ATP2A2: variants seen among roughly 807,000 people sequenced by gnomAD.
ATP2A2 encodes the protein sarcoplasmic/endoplasmic reticulum calcium ATPase 2.
A neutral mutation model predicts 109.3 loss-of-function variants in ATP2A2; 14 were observed. The observed-to-expected ratio is 0.13, with a 90% CI of 0.08 to 0.20. The LOEUF (loss-of-function observed/expected upper bound fraction) is 0.20, where lower values mean the gene tolerates loss of function less well. ATP2A2 is among the 10% of genes least tolerant of loss of function. The pLI is 1.00. For missense variants in ATP2A2, 657 were observed against 1,321.6 expected, an observed-to-expected ratio of 0.50 and a Z score of 7.80; for synonymous variants, 506 against 490.9, an observed-to-expected ratio of 1.03 and a Z score of -0.41.
intron 4 of ATP2A2, among the ~76,000 whole-genome samples, chr12:110,295,019 A>G (rs1873813509): frequency 6.6e-6 from 1 of 151,950 alleles, no homozygotes; most frequent in South Asian, 2.1e-4. Context: ...CAGTTTCACC[A>G]TGTTGGCCAG....
At chr12:110,298,795 C>T (rs1227177171) in intron 5 of ATP2A2, among the ~76,000 whole-genome samples, 1 of 152,186 alleles carries the variant, frequency 6.6e-6, no homozygotes, top group East Asian at 1.9e-4. Flanking sequence ...TGTATACACA[C>T]ATTTTTGTAT....
intron 3 of ATP2A2, among the ~76,000 whole-genome samples, chr12:110,289,576 T>A (rs1873044915): frequency 6.6e-6 from 1 of 152,188 alleles, no homozygotes; most frequent in Non-Finnish European, 1.5e-5. Flanking sequence ...TTTCTTTTTG[T>A]CCTGCTCAAA....
chr12:110,342,083 T>G lies in ATP2A2; in HGVS notation c.2098-145T>G. On this transcript the variant is annotated intron_variant, in intron 14 of 19. Transcript: ENST00000539276. The surrounding 1 kb of genome is among the most constrained non-coding windows in gnomAD (Gnocchi z 4.6). ...GTAAAATGTGTTTTGTGACACCAACTTATGAAACAAAAATTCTAAAACTCT... is the reference window on the plus strand; with the variant it reads ...GTAAAATGTGTTTTGTGACACCAACGTATGAAACAAAAATTCTAAAACTCT... 1 of 934,060 alleles carries G rather than the reference T, an allele frequency of 1.1e-6. No homozygotes were observed. 57.9% of individuals were successfully genotyped at this position (934,060 alleles called of 1,614,324 possible).
chr12:110,345,717 A>G lies in ATP2A2; in HGVS notation c.2742-284A>G, dbSNP rs1056978803. 8.7e-6 allele frequency: 5 copies of G among 575,110 alleles called. No individual in the cohort carries two copies. The Admixed American group carries it at 9.0e-5, about 10-fold the overall frequency. 35.6% of individuals were successfully genotyped at this position (575,110 alleles called of 1,614,324 possible). ...GTACCATCCAGTTAAGCCCGTGACA[A>G]AAATGGAAATTTCTAAATAGCCCAA... On this transcript the variant is annotated intron_variant, in intron 18 of 19. Coordinates refer to ENST00000539276, the MANE Select transcript of ATP2A2 (RefSeq NM_170665.4).
chr12:110,336,482 G>A (rs1201285690), intron 11 of ATP2A2, among the ~76,000 whole-genome samples: 1 of 152,210 alleles, frequency 6.6e-6, no homozygotes, highest in Non-Finnish European at 1.5e-5. Context: ...CCTGAGTTGG[G>A]AGGGAGCAGT....
intron 5 of ATP2A2, among the ~76,000 whole-genome samples, chr12:110,308,905 A>G (rs1381815249): frequency 6.6e-6 from 1 of 152,180 alleles, no homozygotes; most frequent in Non-Finnish European, 1.5e-5. Flanking sequence ...AGTGTTGTAA[A>G]CTAATTCGAA....
chr12:110,309,998 C>T (rs896803772), intron 5 of ATP2A2, among the ~76,000 whole-genome samples: 1 of 151,876 alleles, frequency 6.6e-6, no homozygotes, highest in Non-Finnish European at 1.5e-5. Context: ...GAAAATATTT[C>T]TCCGGATGGA....
At chr12:110,314,225 G>A (rs1362083045) in intron 5 of ATP2A2, among the ~76,000 whole-genome samples, 2 of 151,974 alleles carry the variant, frequency 1.3e-5, no homozygotes, top group African/African-American at 2.4e-5. Flanking sequence ...CTACTTGGGA[G>A]GCTGAGGCAA....
In ATP2A2 at chr12:110,325,449, A is replaced by G. The variant is rs139605860; in HGVS notation, c.545-941A>G. On this transcript the variant is annotated intron_variant, in intron 6 of 19. Coordinates refer to ENST00000539276, the MANE Select transcript of ATP2A2 (RefSeq NM_170665.4). Reference sequence around the variant, plus strand: ...AGGAGTTTGAGACCAGCCTTGGCCAACATAGCAAAACCTGTCTCTACTAAA... The same window carrying G: ...AGGAGTTTGAGACCAGCCTTGGCCAGCATAGCAAAACCTGTCTCTACTAAA... 5.9e-3 allele frequency among the ~76,000 whole-genome samples: 888 copies of G among 151,726 alleles called. 9 individuals carry two copies. Among genetic ancestry groups the G allele is most frequent in the African/African-American group, 0.02 (839 of 41,374 alleles).
chr12:110,346,974 A>ATT lies in ATP2A2; in HGVS notation c.*505_*506dup. ...GCAGAGTCTTGCTACCTCAGTCAGT[A>ATT]TTGTTTTGGTTTGCTACTTCCCTCA... On this transcript the variant is annotated 3_prime_UTR_variant, in exon 20 of 20. Transcript: ENST00000539276. The ATT allele has an allele frequency of 9.1e-7, 1 of 1,100,332 alleles. No homozygotes were observed. Among genetic ancestry groups the ATT allele is most frequent in the Non-Finnish European group, 1.1e-6 (1 of 899,636 alleles). 68.2% of individuals were successfully genotyped at this position (1,100,332 alleles called of 1,614,324 possible).
intron 5 of ATP2A2, among the ~76,000 whole-genome samples, chr12:110,301,026 C>G (rs1272841730): frequency 6.6e-6 from 1 of 152,014 alleles, no homozygotes; most frequent in African/African-American, 2.4e-5. Context: ...CCAGCTTCTT[C>G]TTGTTTAATT....
At chr12:110,286,979 T>TGA (rs1395680253) in intron 3 of ATP2A2, among the ~76,000 whole-genome samples, 15 of 152,190 alleles carry the variant, frequency 9.9e-5, no homozygotes, top group Non-Finnish European at 2.1e-4. Flanking sequence ...CCGGGTGCAG[T>TGA]GAGTGGCTCA....
intron 3 of ATP2A2, among the ~76,000 whole-genome samples, chr12:110,291,165 C>T (rs1873240896): frequency 6.6e-6 from 1 of 151,688 alleles, no homozygotes; most frequent in Non-Finnish European, 1.5e-5. Flanking sequence ...GCCTTGGCCT[C>T]CCAAAGTGCT....
intron 3 of ATP2A2, among the ~76,000 whole-genome samples, chr12:110,288,173 C>T (rs1449771167): frequency 1.4e-5 from 2 of 142,256 alleles, no homozygotes; most frequent in African/African-American, 2.7e-5. Flanking sequence ...AGTAGTGGCA[C>T]GATCATAGCT....
At chr12:110,296,408 C>A (rs1427433822) in intron 4 of ATP2A2, 191 bp from the exon 5 acceptor site, 4 of 705,502 alleles carry the variant, frequency 5.7e-6, no homozygotes, top group Non-Finnish European at 9.6e-6. Context: ...GGGTACTTAA[C>A]GTTTCGTTTT....
intron 5 of ATP2A2, among the ~76,000 whole-genome samples, chr12:110,315,344 AC>A (rs1876554084): frequency 6.6e-6 from 1 of 151,950 alleles, no homozygotes; most frequent in East Asian, 1.9e-4. Flanking sequence ...TTACCTTTCT[AC>A]CCCCATAACT....
At chr12:110,307,801 G>C (rs1203501246) in intron 5 of ATP2A2, among the ~76,000 whole-genome samples, 3 of 152,170 alleles carry the variant, frequency 2.0e-5, no homozygotes, top group African/African-American at 7.2e-5. Flanking sequence ...TAGGTTGTCA[G>C]TTTACTCTGT....
At position 110,339,144 on chromosome 12, in the gene ATP2A2, A is replaced by G; in HGVS notation, c.1420-137A>G. 1 of 1,224,556 alleles carries G rather than the reference A, an allele frequency of 8.2e-7. No homozygotes were observed. The allele number at this position is 1,224,556 out of a possible 1,614,324, so 75.9% of individuals were successfully genotyped here. A position where few individuals can be genotyped will look rare whatever the true frequency, so the allele number is the denominator to read the frequency against. ...TCTCCCAAAATAGGGGACAAGTTTC[A>G]TGAGGGCAAAAACCTGTCTGTTTTG... On this transcript the variant is annotated intron_variant, in intron 11 of 19. Transcript: ENST00000539276. The surrounding 1 kb of genome is among the most constrained non-coding windows in gnomAD (Gnocchi z 4.4).
chr12:110,287,382 C>T (rs1592789451), intron 3 of ATP2A2, among the ~76,000 whole-genome samples: 1 of 152,268 alleles, frequency 6.6e-6, no homozygotes, highest in Non-Finnish European at 1.5e-5. Context: ...TCTATCCCTA[C>T]TCTATTTTTA....
Sources: allele counts gnomAD v4.1 joint callset (sites outside exome capture counted in the v4.1 genomes callset), GRCh38; gene constraint gnomAD v4.1.1; non-coding constraint Gnocchi (gnomAD v3.1); transcripts MANE v1.5; gene names NCBI Gene and HGNC (gene_info 2026-07-23, HGNC 2026-07-21).